Variants in TRIM33 observed in about 807,000 individuals in gnomAD.
TRIM33 encodes tripartite motif containing 33, also known as E3 ubiquitin-protein ligase TRIM33.
In TRIM33, 20 loss-of-function variants were observed where a neutral mutation model predicts 125.4. The ratio of observed to expected loss-of-function variants is 0.16; its 90% CI spans 0.11 to 0.23. TRIM33 has a LOEUF of 0.23. TRIM33 is among the 10% of genes least tolerant of loss of function. The probability of loss-of-function intolerance (pLI) is 1.00; values close to 1 mark genes in which losing one functional copy is unlikely to be tolerated. For synonymous variants in TRIM33, 564 were observed against 513.9 expected (o/e 1.10, Z -1.32); for missense variants, 920 against 1,411.4 (o/e 0.65, Z 5.58).
rs140048702 is a variant in TRIM33, at chr1:114,424,624, T to C, written c.1827A>G (p.Gln609=). ...GGAGGTGTGGCTGCATCATGGAATATTGAGGGCCGCTGTGCCTGGGTATCC... is the reference window on the plus strand; with the variant it reads ...GGAGGTGTGGCTGCATCATGGAATACTGAGGGCCGCTGTGCCTGGGTATCC... The part of the protein sequence containing the change: ...IPGIPRHSGP[Q]YSMMQPHLQR... Residue 609 remains glutamine, a synonymous_variant, in exon 10 of 20, where the codon CAA becomes CAG. Coordinates refer to ENST00000358465, the MANE Select transcript of TRIM33 (RefSeq NM_015906.4). The C allele has an allele frequency of 4.6e-5, 74 of 1,607,076 alleles. No individual in the cohort carries two copies. The African/African-American group carries it at 5.2e-4, about 11-fold the overall frequency.
intron 4 of TRIM33, among the ~76,000 whole-genome samples, chr1:114,453,477 G>A (rs1029477833): frequency 6.6e-6 from 1 of 152,188 alleles, no homozygotes; most frequent in African/African-American, 2.4e-5. Context: ...TAGGTAGAGG[G>A]TTCTTGCTAC....
intron 15 of TRIM33, among the ~76,000 whole-genome samples, chr1:114,403,525 C>T (rs1432458395): frequency 1.3e-5 from 2 of 151,932 alleles, no homozygotes; most frequent in Non-Finnish European, 2.9e-5. Flanking sequence ...CGTGCACCAT[C>T]ATGACCGGCA....
intron 11 of TRIM33, among the ~76,000 whole-genome samples, chr1:114,412,712 T>C (rs1403062402): frequency 6.6e-6 from 1 of 152,270 alleles, no homozygotes; most frequent in Non-Finnish European, 1.5e-5. Flanking sequence ...TGTTAGTTAC[T>C]ATTCTATTAT....
At chr1:114,505,080 G>A (rs1220897281) in intron 1 of TRIM33, among the ~76,000 whole-genome samples, 1 of 152,160 alleles carries the variant, frequency 6.6e-6, no homozygotes. Context: ...ACTCTATGAT[G>A]TAGGTGTAAT....
chr1:114,457,806 G>GT (rs1184821182), intron 4 of TRIM33, among the ~76,000 whole-genome samples: 6 of 152,138 alleles, frequency 3.9e-5, no homozygotes, highest in Non-Finnish European at 8.8e-5. Context: ...ATTACAGAAG[G>GT]TAAAAAATCA....
intron 11 of TRIM33, among the ~76,000 whole-genome samples, chr1:114,414,372 G>A (rs1652795398): frequency 1.3e-5 from 2 of 152,110 alleles, no homozygotes; most frequent in South Asian, 4.2e-4. Flanking sequence ...GGCCCTACCT[G>A]ATCTAGTTTC....
At chr1:114,427,962 C>CA in intron 6 of TRIM33, 68 bp from the exon 7 acceptor site, 1 of 1,512,078 alleles carries the variant, frequency 6.6e-7, no homozygotes, top group Non-Finnish European at 9.1e-7. Flanking sequence ...ATTTCTAATG[C>CA]AAATGGGCAC....
intron 1 of TRIM33, among the ~76,000 whole-genome samples, chr1:114,499,356 A>C (rs1022771362): frequency 6.6e-6 from 1 of 152,174 alleles, no homozygotes; most frequent in African/African-American, 2.4e-5. Flanking sequence ...GAACGATTAC[A>C]ACCTCAGTTA....
intron 4 of TRIM33, among the ~76,000 whole-genome samples, chr1:114,457,891 G>A (rs1252924475): frequency 2.0e-5 from 3 of 152,212 alleles, no homozygotes; most frequent in Non-Finnish European, 4.4e-5. Flanking sequence ...AAGTAATGGT[G>A]ATCTTGTGGA....
At chr1:114,463,969 A>G (rs184079644) in intron 2 of TRIM33, among the ~76,000 whole-genome samples, 1 of 151,766 alleles carries the variant, frequency 6.6e-6, no homozygotes, top group African/African-American at 2.4e-5. Context: ...GAGTCTCACT[A>G]TGTTGCCCAA....
intron 18 of TRIM33, 84 bp downstream of exon 18, chr1:114,399,372 TA>T: frequency 7.1e-7 from 1 of 1,402,382 alleles, no homozygotes; most frequent in Non-Finnish European, 9.7e-7. Flanking sequence ...AAAATTTTAA[TA>T]AAATTAAAGT....
chr1:114,499,372 G>T (rs1452736607), intron 1 of TRIM33, among the ~76,000 whole-genome samples: 4 of 151,874 alleles, frequency 2.6e-5, no homozygotes, highest in Non-Finnish European at 5.9e-5. Context: ...AGTTATTAGG[G>T]TGCATAAGCA....
intron 14 of TRIM33, among the ~76,000 whole-genome samples, chr1:114,406,255 C>A (rs941736099): frequency 6.6e-6 from 1 of 152,040 alleles, no homozygotes; most frequent in Non-Finnish European, 1.5e-5. Flanking sequence ...TGGATGAAGA[C>A]GTAACAATAC....
chr1:114,429,569 T>C (rs1647810604), intron 6 of TRIM33, among the ~76,000 whole-genome samples: 1 of 152,014 alleles, frequency 6.6e-6, no homozygotes, highest in African/African-American at 2.4e-5. Context: ...ACTGACATCA[T>C]TTCATTTTTA....
At chr1:114,458,175 G>A (rs996243036) in intron 4 of TRIM33, among the ~76,000 whole-genome samples, 15 of 152,298 alleles carry the variant, frequency 9.8e-5, no homozygotes, top group African/African-American at 3.4e-4. Flanking sequence ...AACCACCTTT[G>A]TAAAGCTAAT....
chr1:114,494,500 A>G (rs1652253658), intron 1 of TRIM33, among the ~76,000 whole-genome samples: 1 of 152,230 alleles, frequency 6.6e-6, no homozygotes, highest in African/African-American at 2.4e-5. Context: ...GCTAAAATAA[A>G]TTTAACATTT....
chr1:114,491,756 A>C (rs1652084445), intron 1 of TRIM33, among the ~76,000 whole-genome samples: 1 of 152,210 alleles, frequency 6.6e-6, no homozygotes, highest in South Asian at 2.1e-4. Flanking sequence ...GTAAGCCGTA[A>C]CTGGGCCACT....
chr1:114,501,017 C>T lies in TRIM33; in HGVS notation c.526+9534G>A, dbSNP rs1245511697. Reference sequence around the variant, plus strand: ...CATCCCGGCTAACACGGTAAAACCCCGTCTCTACTAAAAATACAAAAAATT... The same window carrying T: ...CATCCCGGCTAACACGGTAAAACCCTGTCTCTACTAAAAATACAAAAAATT... On this transcript the variant is annotated intron_variant, in intron 1 of 19. Transcript: ENST00000358465. Among the ~76,000 whole-genome samples, 4 of 77,302 alleles carry T rather than the reference C, an allele frequency of 5.2e-5. 1 individual carries two copies. Among genetic ancestry groups the T allele is most frequent in the Non-Finnish European group, 1.1e-4 (4 of 36,624 alleles). 50.7% of individuals were successfully genotyped at this position (77,302 alleles called of 152,430 possible). A position where few individuals can be genotyped will look rare whatever the true frequency, so the allele number is the denominator to read the frequency against.
intron 15 of TRIM33, among the ~76,000 whole-genome samples, chr1:114,403,118 G>A (rs1015377826): frequency 6.6e-6 from 1 of 152,100 alleles, no homozygotes; most frequent in East Asian, 1.9e-4. Context: ...TGGCACCTCC[G>A]CATTAAAAGG....
Sources: allele counts gnomAD v4.1 joint callset (sites outside exome capture counted in the v4.1 genomes callset), GRCh38; gene constraint gnomAD v4.1.1; transcripts MANE v1.5; gene names NCBI Gene and HGNC (gene_info 2026-07-23, HGNC 2026-07-21).